The following RAPGEF4 variants were observed in gnomAD, a reference collection of about 807,000 sequenced individuals.
RAPGEF4 encodes the protein Rap guanine nucleotide exchange factor 4, also known as RAP guanine-nucleotide-exchange factor (GEF) 4.
In RAPGEF4, 66 loss-of-function variants were observed where a neutral mutation model predicts 147.9. That is an observed-to-expected ratio of 0.45 (90% confidence interval 0.37 to 0.55). RAPGEF4 has a LOEUF of 0.55. Ranked by LOEUF, RAPGEF4 falls within the 20% of genes least tolerant of loss-of-function variation. The pLI is 0.00. For missense variants in RAPGEF4, 1,071 were observed against 1,257.3 expected (o/e 0.85, Z 2.24); for synonymous variants, 419 against 442.7 (o/e 0.95, Z 0.67).
chr2:172,951,599 A>G (rs865957016), intron 6 of RAPGEF4, among the ~76,000 whole-genome samples: 3 of 152,190 alleles, frequency 2.0e-5, no homozygotes, highest in Non-Finnish European at 4.4e-5. Context: ...GGCCTCTCCA[A>G]GAAGGTGTGT....
At chr2:172,832,050 G>A (rs775753676) in intron 4 of RAPGEF4, among the ~76,000 whole-genome samples, 9 of 152,208 alleles carry the variant, frequency 5.9e-5, no homozygotes, top group Non-Finnish European at 1.3e-4. Flanking sequence ...TATGGTTACA[G>A]AGCTATAAAT....
chr2:172,860,896 T>G (rs1233528768), intron 4 of RAPGEF4, among the ~76,000 whole-genome samples: 1 of 152,118 alleles, frequency 6.6e-6, no homozygotes, highest in Non-Finnish European at 1.5e-5. Flanking sequence ...TTTTAAAAAT[T>G]TGTCAATTAT....
intron 29 of RAPGEF4, among the ~76,000 whole-genome samples, chr2:173,040,444 C>T (rs772223087): frequency 1.3e-5 from 2 of 152,184 alleles, no homozygotes; most frequent in African/African-American, 2.4e-5. Flanking sequence ...TCCCAGTCAT[C>T]CATCGTCAAG....
intron 3 of RAPGEF4, among the ~76,000 whole-genome samples, chr2:172,800,092 C>A (rs193117420): frequency 5.9e-5 from 9 of 152,298 alleles, no homozygotes; most frequent in African/African-American, 2.2e-4. Flanking sequence ...CTTACCTAAG[C>A]TGGGCTCGGT....
intron 4 of RAPGEF4, among the ~76,000 whole-genome samples, chr2:172,907,576 A>G (rs1350546405): frequency 6.6e-6 from 1 of 152,238 alleles, no homozygotes; most frequent in Non-Finnish European, 1.5e-5. Flanking sequence ...GGTGAAAAAC[A>G]GGTGGTACAT....
At chr2:172,964,608 T>C (rs1689642551) in intron 8 of RAPGEF4, among the ~76,000 whole-genome samples, 1 of 151,820 alleles carries the variant, frequency 6.6e-6, no homozygotes, top group Non-Finnish European at 1.5e-5. Flanking sequence ...GCCCCAGAGG[T>C]GGTGCTGTGC....
Position 172,781,871 on chromosome 2 carries a change from G to A in RAPGEF4, c.66-13154G>A, listed in dbSNP as rs1434672854. 2.0e-5 allele frequency among the ~76,000 whole-genome samples: 3 copies of A among 152,162 alleles called. 1 individual carries two copies. Among genetic ancestry groups the A allele is most frequent in the South Asian group, 4.1e-4 (2 of 4,828 alleles). On this transcript the variant is annotated intron_variant, in intron 1 of 30. Coordinates refer to ENST00000397081, the MANE Select transcript of RAPGEF4 (RefSeq NM_007023.4). Reference sequence around the variant, plus strand: ...GTAGTTTTAAAATTTGTACTATTTTGTATTGTATTGTTTTTTATTTATTTA... The same window carrying A: ...GTAGTTTTAAAATTTGTACTATTTTATATTGTATTGTTTTTTATTTATTTA...
rs553231829 is a variant in RAPGEF4, at chr2:172,922,306, T to C, written c.537+6T>C. The C allele has an allele frequency of 6.9e-6, 11 of 1,604,520 alleles. No homozygotes were observed. The highest frequency in any genetic ancestry group is 9.4e-6 in the Non-Finnish European group (11 of 1,171,582). ...GGATTCCTGACAAGGAGAACGTGAG[T>C]AGCTACTCTCTCTGCCTATCTTCTA... On this transcript the variant is annotated splice_donor_region_variant and intron_variant, in intron 6 of 30. Transcript: ENST00000397081.
At chr2:172,917,458 G>A (rs370455121) in intron 4 of RAPGEF4, 3 of 585,288 alleles carry the variant, frequency 5.1e-6, no homozygotes, top group Admixed American at 1.9e-5. Context: ...AAGCTCGAGT[G>A]CCTTTTCCCT....
At chr2:173,037,662 G>A (rs1026686592) in intron 29 of RAPGEF4, among the ~76,000 whole-genome samples, 8 of 152,144 alleles carry the variant, frequency 5.3e-5, no homozygotes, top group Admixed American at 1.3e-4. Flanking sequence ...ATATCTCTGT[G>A]GGTGAGCATT....
chr2:172,947,675 T>C (rs1687810258), intron 6 of RAPGEF4, among the ~76,000 whole-genome samples: 1 of 152,204 alleles, frequency 6.6e-6, no homozygotes, highest in Non-Finnish European at 1.5e-5. Flanking sequence ...AATGTTTTTA[T>C]AAACTTCAAA....
chr2:173,012,874 A>T (rs1695156378), intron 17 of RAPGEF4, among the ~76,000 whole-genome samples: 1 of 152,238 alleles, frequency 6.6e-6, no homozygotes, highest in South Asian at 2.1e-4. Context: ...TGGTCATAAA[A>T]TATAATGTCC....
chr2:172,831,266 CTTTT>C (rs71018521), intron 4 of RAPGEF4, among the ~76,000 whole-genome samples: 3 of 53,890 alleles, frequency 5.6e-5, no homozygotes, highest in African/African-American at 1.9e-4. Context: ...AGATAGAAAA[CTTTT>C]TTTTTTTTTT....
intron 1 of RAPGEF4, among the ~76,000 whole-genome samples, chr2:172,757,536 C>G (rs1695894174): frequency 6.6e-6 from 1 of 152,178 alleles, no homozygotes; most frequent in South Asian, 2.1e-4. Flanking sequence ...ATCTTCTTCC[C>G]TTGCACAAAC....
At chr2:172,947,581 C>A (rs946626013) in intron 6 of RAPGEF4, among the ~76,000 whole-genome samples, 18 of 152,228 alleles carry the variant, frequency 1.2e-4, no homozygotes, top group Non-Finnish European at 2.4e-4. Context: ...TATGCATTCT[C>A]TTTTTTCCTT....
intron 4 of RAPGEF4, among the ~76,000 whole-genome samples, chr2:172,906,291 G>A (rs1472236718): frequency 6.6e-6 from 1 of 152,072 alleles, no homozygotes; most frequent in Non-Finnish European, 1.5e-5. Context: ...ATAATGAATG[G>A]GACCTTATGA....
chr2:173,015,728 C>G (rs1332413571), intron 18 of RAPGEF4, among the ~76,000 whole-genome samples: 1 of 152,148 alleles, frequency 6.6e-6, no homozygotes, highest in East Asian at 1.9e-4. Context: ...GCTGCAGGGT[C>G]AGGACAGTTC....
intron 4 of RAPGEF4, among the ~76,000 whole-genome samples, chr2:172,898,413 G>A (rs1698739716): frequency 6.6e-6 from 1 of 152,142 alleles, no homozygotes; most frequent in African/African-American, 2.4e-5. Flanking sequence ...AGTAGCTCAG[G>A]TGCTTGCTTT....
chr2:172,818,827 C>T (rs1168223184), intron 4 of RAPGEF4, among the ~76,000 whole-genome samples: 1 of 152,170 alleles, frequency 6.6e-6, no homozygotes, highest in Non-Finnish European at 1.5e-5. Context: ...TCCAGGTCAA[C>T]AGCAAGTTTT....
Sources: gnomAD v4.1 joint callset for allele counts (sites outside exome capture counted in the v4.1 genomes callset) on GRCh38, gnomAD v4.1.1 for gene constraint, MANE v1.5 for transcripts, NCBI Gene and HGNC (gene_info 2026-07-23, HGNC 2026-07-21) for gene names.